The following PCDHGA3 variants were observed in gnomAD, a reference collection of about 807,000 sequenced individuals.
PCDHGA3 encodes the protein protocadherin gamma subfamily A, 3, also known as protocadherin gamma-A3.
In PCDHGA3, 40 loss-of-function variants were observed where a neutral mutation model predicts 58.5. The ratio of observed to expected loss-of-function variants is 0.68; its 90% CI spans 0.53 to 0.89. The LOEUF is 0.89. Ranked by LOEUF, PCDHGA3 falls within the 40% of genes least tolerant of loss-of-function variation. The pLI is 0.00. For synonymous variants in PCDHGA3, 530 were observed against 525.7 expected (o/e 1.01, Z -0.11); for missense variants, 1,223 against 1,195.9 (o/e 1.02, Z -0.33).
Position 141,375,861 on chromosome 5 carries a change from C to A in PCDHGA3, c.2424+29404C>A, listed in dbSNP as rs567912144. 1.5e-5 allele frequency: 24 copies of A among 1,613,986 alleles called. 2 individuals are homozygous for A. In the South Asian group the frequency reaches 2.0e-4, roughly 13 times the overall value. On this transcript the variant is annotated intron_variant, in intron 1 of 3. Coordinates refer to ENST00000253812, the MANE Select transcript of PCDHGA3 (RefSeq NM_018916.4). ...GGCTACCTGGTGACCAAGGTGGTGG[C>A]GGTGGACAGAGACTCGGGCCAGAAC...
intron 1 of PCDHGA3, among the ~76,000 whole-genome samples, chr5:141,481,794 A>C (rs1433830305): frequency 6.6e-6 from 1 of 152,136 alleles, no homozygotes; most frequent in East Asian, 1.9e-4. Context: ...TCTACTAAAA[A>C]TACAAAAATT....
chr5:141,372,523 CA>C, intron 1 of PCDHGA3: 10 of 1,614,018 alleles, frequency 6.2e-6, no homozygotes, highest in Non-Finnish European at 8.5e-6. Flanking sequence ...GTGATTCTGG[CA>C]ATCTCCCTGC....
intron 1 of PCDHGA3, among the ~76,000 whole-genome samples, chr5:141,464,984 C>T (rs1345385418): frequency 1.3e-5 from 2 of 152,034 alleles, no homozygotes; most frequent in Non-Finnish European, 2.9e-5. Flanking sequence ...TCAAGTGATC[C>T]TCCCACCTCA....
rs895266922 is a variant in PCDHGA3 at position 141,343,983 on chromosome 5, G to C, written c.-51G>C. On this transcript the variant is annotated 5_prime_UTR_variant, in exon 1 of 4. Transcript: ENST00000253812. Reference sequence around the variant, plus strand: ...TCTTGAGAAAATAAGATTGGAGTCCGTCGTAGGAAACTGGAACCGAATTCA... The same window carrying C: ...TCTTGAGAAAATAAGATTGGAGTCCCTCGTAGGAAACTGGAACCGAATTCA... 8 of 1,444,634 alleles carry C rather than the reference G, an allele frequency of 5.5e-6. No homozygotes were observed. The Admixed American group carries it at 1.2e-4, about 21-fold the overall frequency. The allele number at this position is 1,444,634 out of a possible 1,614,324, so 89.5% of individuals were successfully genotyped here.
chr5:141,466,285 C>A (rs1271958613), intron 1 of PCDHGA3, among the ~76,000 whole-genome samples: 1 of 152,148 alleles, frequency 6.6e-6, no homozygotes, highest in African/African-American at 2.4e-5. Context: ...ATCTTCCCAC[C>A]TCAGGCTCCC....
At chr5:141,371,156 C>T in intron 1 of PCDHGA3, 1 of 1,614,020 alleles carries the variant, frequency 6.2e-7, no homozygotes, top group Non-Finnish European at 8.5e-7. Context: ...TTGCAGAGAA[C>T]CTGCCCGCTG....
chr5:141,357,744 A>C, intron 1 of PCDHGA3: 1 of 1,224,260 alleles, frequency 8.2e-7, no homozygotes, highest in East Asian at 2.5e-5. Context: ...TATTGCTTTA[A>C]AGAAAACTGG....
intron 1 of PCDHGA3, chr5:141,430,838 G>A (rs866767896): frequency 2.6e-6 from 4 of 1,562,908 alleles, no homozygotes; most frequent in Non-Finnish European, 3.5e-6. Context: ...GTGGGAGACC[G>A]GATGCACCCA....
At chr5:141,480,695 C>T (rs2099523656) in intron 1 of PCDHGA3, among the ~76,000 whole-genome samples, 2 of 152,146 alleles carry the variant, frequency 1.3e-5, no homozygotes, top group African/African-American at 4.8e-5. Context: ...GAAACCCAGG[C>T]CACACCCCGA....
At chr5:141,364,463 GT>G (rs754642507) in intron 1 of PCDHGA3, 9 of 1,614,000 alleles carry the variant, frequency 5.6e-6, no homozygotes, top group Admixed American at 1.7e-5. Flanking sequence ...AGGCTCCTTC[GT>G]CGGCAACATA....
chr5:141,351,522 C>A, intron 1 of PCDHGA3: 2 of 1,614,018 alleles, frequency 1.2e-6, no homozygotes, highest in South Asian at 1.1e-5. Context: ...ATCATAGCCA[C>A]CGACAAGGGC....
chr5:141,419,269 C>G (rs1456612499), intron 1 of PCDHGA3: 1 of 1,614,034 alleles, frequency 6.2e-7, no homozygotes, highest in Admixed American at 1.7e-5. Flanking sequence ...CGGGTGCCTC[C>G]ATAGCGCAAG....
At chr5:141,462,019 C>T (rs1276421563) in intron 1 of PCDHGA3, among the ~76,000 whole-genome samples, 6 of 152,178 alleles carry the variant, frequency 3.9e-5, no homozygotes, top group Non-Finnish European at 8.8e-5. Flanking sequence ...GACGGGGTTT[C>T]TTCATGTTGG....
chr5:141,399,677 A>G, intron 1 of PCDHGA3: 1 of 1,613,540 alleles, frequency 6.2e-7, no homozygotes, highest in Non-Finnish European at 8.5e-7. Flanking sequence ...CGCGCCTTTG[A>G]CTACGAGCAG....
At chr5:141,456,259 C>T (rs1456888951) in intron 1 of PCDHGA3, among the ~76,000 whole-genome samples, 1 of 152,122 alleles carries the variant, frequency 6.6e-6, no homozygotes, top group Non-Finnish European at 1.5e-5. Flanking sequence ...GCGACCATTG[C>T]TTCTGGCTAC....
chr5:141,458,567 TTTTG>T (rs144471304), intron 1 of PCDHGA3, among the ~76,000 whole-genome samples: 42,006 of 151,504 alleles, frequency 0.28, 6,493 homozygotes, highest in African/African-American at 0.43. Context: ...GGTTTTGGGT[TTTTG>T]TTTGTTTGTT....
In PCDHGA3 at chr5:141,346,327, A is replaced by G; in HGVS notation, c.2294A>G (p.Lys765Arg). 2 of 1,614,262 alleles carry G rather than the reference A, an allele frequency of 1.2e-6. No individual in the cohort carries two copies. The highest frequency in any genetic ancestry group is 8.5e-7 in the Non-Finnish European group (1 of 1,180,044). The part of the protein sequence containing the change: ...HEVSLTADSR[K>R]SHLIFPQPNY... Reference sequence around the variant, plus strand: ...GTCTCCCTCACTGCGGACTCGCGGAAGAGCCACCTGATTTTCCCCCAGCCC... The same window carrying G: ...GTCTCCCTCACTGCGGACTCGCGGAGGAGCCACCTGATTTTCCCCCAGCCC... The change falls in exon 1 of 4, where the codon AAG becomes AGG. Residue 765 changes from lysine to arginine, a missense_variant. Transcript: ENST00000253812.
Position 141,481,556 on chromosome 5 carries a change from G to A in PCDHGA3, c.2425-13251G>A, listed in dbSNP as rs553126587. Among the ~76,000 whole-genome samples the A allele has an allele frequency of 1.2e-4, 18 of 152,266 alleles. No homozygotes were observed. The South Asian group carries it at 1.4e-3, about 12-fold the overall frequency. On this transcript the variant is annotated intron_variant, in intron 1 of 3. Coordinates refer to ENST00000253812, the MANE Select transcript of PCDHGA3 (RefSeq NM_018916.4). ...GATGGGGCTGGGCTCAGTGGCTCAC[G>A]CCTGTAATCCCAGTACTTAGGGAGG...
chr5:141,365,120 C>T, intron 1 of PCDHGA3: 1 of 1,613,898 alleles, frequency 6.2e-7, no homozygotes, highest in Non-Finnish European at 8.5e-7. Flanking sequence ...GCTGCTCATG[C>T]TAACCGCCAC....
Sources: allele counts gnomAD v4.1 joint callset (sites outside exome capture counted in the v4.1 genomes callset), GRCh38; gene constraint gnomAD v4.1.1; transcripts MANE v1.5; gene names NCBI Gene and HGNC (gene_info 2026-07-23, HGNC 2026-07-21).